DNMT3B: variants seen among roughly 807,000 people sequenced by gnomAD.
DNMT3B encodes the protein DNA methyltransferase 3 beta.
Under a neutral mutation model 120.2 loss-of-function variants are expected in DNMT3B, and 37 were observed. The observed-to-expected ratio is 0.31, with a 90% CI of 0.24 to 0.40. The LOEUF is 0.40. DNMT3B is among the 10% of genes least tolerant of loss of function. The probability of loss-of-function intolerance (pLI) is 1.00; values close to 1 mark genes in which losing one functional copy is unlikely to be tolerated. For missense variants in DNMT3B, 878 were observed against 1,137.3 expected, an observed-to-expected ratio of 0.77 and a Z score of 3.28; for synonymous variants, 412 against 442.8, an observed-to-expected ratio of 0.93 and a Z score of 0.87.
chr20:32,780,203 C>A, intron 1 of DNMT3B, 115 bp from the exon 2 acceptor site: 1 of 1,612,990 alleles, frequency 6.2e-7, no homozygotes, highest in Non-Finnish European at 8.5e-7. Flanking sequence ...GAGCATCACC[C>A]TAAGAATGCA....
intron 4 of DNMT3B, among the ~76,000 whole-genome samples, chr20:32,785,755 G>A (rs767053849): frequency 9.9e-5 from 15 of 152,178 alleles, no homozygotes; most frequent in Non-Finnish European, 1.9e-4. Flanking sequence ...AATGAACATG[G>A]AGCCTAAGGA....
chr20:32,803,187 G>A (rs1446518002), intron 20 of DNMT3B, among the ~76,000 whole-genome samples: 3 of 152,248 alleles, frequency 2.0e-5, no homozygotes, highest in Admixed American at 1.3e-4. Context: ...CACTCTGAAA[G>A]CCACAAAGCA....
intron 10 of DNMT3B, 68 bp downstream of exon 10, chr20:32,793,663 A>C: frequency 6.4e-7 from 1 of 1,564,630 alleles, no homozygotes; most frequent in Non-Finnish European, 8.8e-7. Flanking sequence ...CTTTGCATAT[A>C]AAATGGTCAC....
intron 3 of DNMT3B, among the ~76,000 whole-genome samples, 186 bp downstream of exon 3, chr20:32,781,600 C>G (rs2145914237): frequency 6.6e-6 from 1 of 152,356 alleles, no homozygotes; most frequent in Middle Eastern, 3.4e-3. Flanking sequence ...TGCTAAATCT[C>G]TAATATGGTA....
At chr20:32,789,148 A>C in intron 7 of DNMT3B, 136 bp downstream of exon 7, 1 of 1,327,752 alleles carries the variant, frequency 7.5e-7, no homozygotes, top group Non-Finnish European at 1.0e-6. Flanking sequence ...AGGAAGGACA[A>C]AACTTCCTGT....
At chr20:32,782,788 G>T (rs922172762) in intron 3 of DNMT3B, among the ~76,000 whole-genome samples, 2 of 152,152 alleles carry the variant, frequency 1.3e-5, no homozygotes, top group Admixed American at 6.6e-5. Flanking sequence ...GCCATGGGGG[G>T]TCTTGCATGT....
chr20:32,784,913 T>C lies in DNMT3B; in HGVS notation c.306+54T>C, dbSNP rs972679022. On this transcript the variant is annotated intron_variant, in intron 4 of 22. Coordinates refer to ENST00000328111, the MANE Select transcript of DNMT3B (RefSeq NM_006892.4). Reference sequence around the variant, plus strand: ...CTTGTGGCCAACACTCTACATAGCATACATAGCATGCTACATACATAGCAT... The same window carrying C: ...CTTGTGGCCAACACTCTACATAGCACACATAGCATGCTACATACATAGCAT... The C allele has an allele frequency of 4.5e-6, 7 of 1,554,058 alleles. No individual in the cohort carries two copies. In the African/African-American group the frequency reaches 9.5e-5, roughly 21 times the overall value.
chr20:32,781,410 C>T lies in DNMT3B; in HGVS notation c.200C>T (p.Thr67Ile), dbSNP rs1252419302. 1.2e-6 allele frequency: 2 copies of T among 1,614,220 alleles called. No homozygotes were observed. Among genetic ancestry groups the T allele is most frequent in the South Asian group, 1.1e-5 (1 of 91,078 alleles). The change falls in exon 3 of 23, where the codon ACA becomes ATA. Residue 67 changes from threonine to isoleucine, a missense_variant. Coordinates refer to ENST00000328111, the MANE Select transcript of DNMT3B (RefSeq NM_006892.4). Reference protein sequence around the residue: ...KREVSSLLSYTQDLTGDGDGE... With the variant: ...KREVSSLLSYIQDLTGDGDGE... ...GAGGTGTCCAGTCTGCTAAGCTACACACAGGTATGGTCTCTGCTCTCCCTT... is the reference window on the plus strand; with the variant it reads ...GAGGTGTCCAGTCTGCTAAGCTACATACAGGTATGGTCTCTGCTCTCCCTT...
intron 10 of DNMT3B, among the ~76,000 whole-genome samples, chr20:32,794,782 T>C (rs1980411844): frequency 6.6e-6 from 1 of 152,228 alleles, no homozygotes; most frequent in South Asian, 2.1e-4. Flanking sequence ...AAAATTTCAC[T>C]TATTTTATAT....
chr20:32,775,587 C>T (rs1012610173), intron 1 of DNMT3B, among the ~76,000 whole-genome samples: 11 of 152,186 alleles, frequency 7.2e-5, no homozygotes, highest in Non-Finnish European at 1.6e-4. Flanking sequence ...GGTGGGCCCA[C>T]CCAGCACTGC....
At chr20:32,790,318 G>C (rs1218607696) in intron 7 of DNMT3B, among the ~76,000 whole-genome samples, 1 of 152,202 alleles carries the variant, frequency 6.6e-6, no homozygotes, top group African/African-American at 2.4e-5. Flanking sequence ...TGGATTGTTT[G>C]CAATTGCTTT....
chr20:32,764,573 C>T (rs1190662420), intron 1 of DNMT3B, among the ~76,000 whole-genome samples: 1 of 152,150 alleles, frequency 6.6e-6, no homozygotes, highest in Admixed American at 6.5e-5. Flanking sequence ...CAGGAAGAAC[C>T]GCCTTTGTTC....
rs200528616 is a variant in DNMT3B at position 32,795,388 on chromosome 20, C to T, written c.1127-21C>T. 6.8e-6 allele frequency: 11 copies of T among 1,613,852 alleles called. No individual in the cohort carries two copies. The African/African-American group carries it at 9.3e-5, about 14-fold the overall frequency. On this transcript the variant is annotated intron_variant, in intron 10 of 22. Coordinates refer to ENST00000328111, the MANE Select transcript of DNMT3B (RefSeq NM_006892.4). Reference sequence around the variant, plus strand: ...GGACCCTCCTACCAAGCCACGGCTGCAGTCTAATTACCTTTCACAGAGAAC... The same window carrying T: ...GGACCCTCCTACCAAGCCACGGCTGTAGTCTAATTACCTTTCACAGAGAAC...
intron 1 of DNMT3B, among the ~76,000 whole-genome samples, chr20:32,775,415 G>A (rs1988017799): frequency 6.6e-6 from 1 of 152,210 alleles, no homozygotes; most frequent in Admixed American, 6.5e-5. Context: ...CAGCATTACT[G>A]CTGGGTTGGG....
At position 32,797,172 on chromosome 20, in the gene DNMT3B, C is replaced by G; in HGVS notation, c.1378-15C>G. On this transcript the variant is annotated splice_polypyrimidine_tract_variant and intron_variant, in intron 13 of 22. Transcript: ENST00000328111. ...CTGGTCTCCGATTTCACTGGTGTTT[C>G]TCTCTGGCTGCCAGGATCGCTTCCT... The G allele has an allele frequency of 1.9e-6, 3 of 1,612,822 alleles. No homozygotes were observed. Among genetic ancestry groups the G allele is most frequent in the Non-Finnish European group, 2.5e-6 (3 of 1,180,048 alleles).
At chr20:32,763,707 T>C (rs1987119456) in intron 1 of DNMT3B, among the ~76,000 whole-genome samples, 1 of 152,192 alleles carries the variant, frequency 6.6e-6, no homozygotes, top group Non-Finnish European at 1.5e-5. Context: ...CTGGAGGATC[T>C]CACCTGTGGA....
At chr20:32,781,146 G>A (rs1168804909) in intron 2 of DNMT3B, among the ~76,000 whole-genome samples, 4 of 152,186 alleles carry the variant, frequency 2.6e-5, no homozygotes, top group South Asian at 2.1e-4. Flanking sequence ...GTCCTGTCAC[G>A]TGCCTGGCCC....
At chr20:32,781,473 C>T (rs1158087288) in intron 3 of DNMT3B, 59 bp downstream of exon 3, 21 of 1,589,680 alleles carry the variant, frequency 1.3e-5, no homozygotes, top group Admixed American at 5.0e-5. Flanking sequence ...GCTTTCATCA[C>T]GTGGGCTGCC....
At chr20:32,784,369 A>G (rs532241822) in intron 3 of DNMT3B, among the ~76,000 whole-genome samples, 25 of 152,308 alleles carry the variant, frequency 1.6e-4, no homozygotes, top group Non-Finnish European at 3.5e-4. Flanking sequence ...CTGTTGTGCT[A>G]TGAGGGAAGT....
Sources: allele counts gnomAD v4.1 joint callset (sites outside exome capture counted in the v4.1 genomes callset), GRCh38; gene constraint gnomAD v4.1.1; transcripts MANE v1.5; gene names NCBI Gene and HGNC (gene_info 2026-07-23, HGNC 2026-07-21).